DNAJC24: variants seen among roughly 807,000 people sequenced by gnomAD.
DNAJC24 encodes dnaJ homolog subfamily C member 24.
In DNAJC24, 17 loss-of-function variants were observed where a neutral mutation model predicts 18.0. The observed-to-expected ratio is 0.94, with a 90% CI of 0.65 to 1.42. The LOEUF is 1.42. DNAJC24 is among the 40% of genes most tolerant of loss of function. The pLI, the probability that DNAJC24 is intolerant of heterozygous loss-of-function variation, is 0.00. For synonymous variants in DNAJC24, 55 were observed against 57.7 expected (o/e 0.95, Z 0.21); for missense variants, 158 against 175.6 (o/e 0.90, Z 0.57).
rs943552029 is a variant in DNAJC24 at position 31,432,198 on chromosome 11, T to C, written c.*1797T>C. ...AAGTATGAGGTATATTTAAGAAGAA[T>C]AGATTAGTTTCATTATACCTATAAG... is the stretch of plus-strand genomic sequence containing the variant. On this transcript the variant is annotated 3_prime_UTR_variant, in exon 5 of 5. Coordinates refer to ENST00000465995, the MANE Select transcript of DNAJC24 (RefSeq NM_181706.5). 1.3e-5 allele frequency among the ~76,000 whole-genome samples: 2 copies of C among 152,218 alleles called. No individual in the cohort carries two copies. Among genetic ancestry groups the C allele is most frequent in the East Asian group, 1.9e-4 (1 of 5,198 alleles).
intron 2 of DNAJC24, among the ~76,000 whole-genome samples, chr11:31,374,666 C>G (rs942179571): frequency 2.2e-5 from 3 of 134,476 alleles, no homozygotes; most frequent in African/African-American, 7.5e-5. Context: ...GGAGGGCTAA[C>G]CATTTTTTTA....
chr11:31,416,817 GA>G (rs993404094), intron 3 of DNAJC24: 2 of 152,142 alleles, frequency 1.3e-5, no homozygotes, highest in Admixed American at 1.3e-4. Flanking sequence ...AGAGATGTCA[GA>G]AGACAAATAA....
intron 2 of DNAJC24, among the ~76,000 whole-genome samples, chr11:31,400,103 A>G (rs757615594): frequency 2.4e-4 from 36 of 152,008 alleles, no homozygotes; most frequent in Non-Finnish European, 2.6e-4. Flanking sequence ...ACTCTTTTTT[A>G]TGGCTGTGTA....
At chr11:31,418,716 G>A (rs1020092840) in intron 3 of DNAJC24, among the ~76,000 whole-genome samples, 1 of 152,044 alleles carries the variant, frequency 6.6e-6, no homozygotes, top group African/African-American at 2.4e-5. Context: ...AAACAGCGTG[G>A]CTCAGAGGAG....
intron 2 of DNAJC24, among the ~76,000 whole-genome samples, chr11:31,379,831 C>A (rs113426534): frequency 1.4e-4 from 22 of 152,124 alleles, no homozygotes; most frequent in Admixed American, 2.0e-4. Context: ...GATCTAGTCT[C>A]ACTGCAACCT....
At chr11:31,426,450 A>C (rs1952862036) in intron 4 of DNAJC24, 95 bp downstream of exon 4, 1 of 694,580 alleles carries the variant, frequency 1.4e-6, no homozygotes, top group Non-Finnish European at 2.3e-6. Context: ...TCTTAAAAAG[A>C]AATAATAGTG....
chr11:31,408,272 A>C (rs1952674980), intron 2 of DNAJC24: 2 of 444,512 alleles, frequency 4.5e-6, no homozygotes, highest in Admixed American at 2.5e-5. Context: ...CACGCGTAAC[A>C]GTTGCTTGGA....
chr11:31,390,395 C>CAAAAA (rs370680501), intron 2 of DNAJC24, among the ~76,000 whole-genome samples: 1 of 48,558 alleles, frequency 2.1e-5, no homozygotes, highest in Admixed American at 2.9e-4. Flanking sequence ...GACTCTATCT[C>CAAAAA]AAAAAAAAAA....
chr11:31,413,223 A>C (rs1260082050), intron 2 of DNAJC24, among the ~76,000 whole-genome samples: 1 of 152,126 alleles, frequency 6.6e-6, no homozygotes, highest in African/African-American at 2.4e-5. Flanking sequence ...AAAAAAGAGT[A>C]AGAAATTAAA....
In DNAJC24 at chr11:31,375,114, G is replaced by T. The variant is rs576239546; in HGVS notation, c.111+4255G>T. ...GGATTGCTTGAGCCCAGGAGTTCAA[G>T]GCTACAGTGAGATATGATTGTGTCA... On this transcript the variant is annotated intron_variant, in intron 2 of 4. Coordinates refer to ENST00000465995, the MANE Select transcript of DNAJC24 (RefSeq NM_181706.5). Among the ~76,000 whole-genome samples the T allele has an allele frequency of 1.5e-5, 2 of 135,284 alleles. 1 individual carries two copies. Among genetic ancestry groups the T allele is most frequent in the Non-Finnish European group, 3.4e-5 (2 of 58,442 alleles). 88.8% of individuals were successfully genotyped at this position (135,284 alleles called of 152,430 possible). A position where few individuals can be genotyped will look rare whatever the true frequency, so the allele number is the denominator to read the frequency against.
At chr11:31,408,402 T>G (rs1196121971) in intron 2 of DNAJC24, 1 of 344,596 alleles carries the variant, frequency 2.9e-6, no homozygotes, top group African/African-American at 2.2e-5. Context: ...AGGACCACAT[T>G]TTGAGTAGCA....
At chr11:31,423,585 C>A (rs1018180182) in intron 3 of DNAJC24, among the ~76,000 whole-genome samples, 1 of 152,142 alleles carries the variant, frequency 6.6e-6, no homozygotes, top group African/African-American at 2.4e-5. Context: ...TGACTTCTTC[C>A]AGTTACCACT....
At chr11:31,418,492 A>G (rs183607194) in intron 3 of DNAJC24, among the ~76,000 whole-genome samples, 39 of 152,248 alleles carry the variant, frequency 2.6e-4, no homozygotes, top group Admixed American at 1.0e-3. Flanking sequence ...GTGGCTCTAT[A>G]CAGTGACACA....
At chr11:31,427,823 C>A (rs980053639) in intron 4 of DNAJC24, 1 of 150,648 alleles carries the variant, frequency 6.6e-6, no homozygotes, top group East Asian at 1.9e-4. Flanking sequence ...ATGTTAAGAT[C>A]TTAATTTTAA....
chr11:31,392,012 ACATGTTT>A (rs1181810865), intron 2 of DNAJC24, among the ~76,000 whole-genome samples: 1 of 152,190 alleles, frequency 6.6e-6, no homozygotes, highest in African/African-American at 2.4e-5. Flanking sequence ...TACAAACTTT[ACATGTTT>A]TTACTTATTT....
chr11:31,401,156 G>A (rs1242426973), intron 2 of DNAJC24, among the ~76,000 whole-genome samples: 2 of 152,184 alleles, frequency 1.3e-5, no homozygotes, highest in Non-Finnish European at 2.9e-5. Flanking sequence ...TTAGTGAAAT[G>A]CAAATCAAAA....
chr11:31,388,495 T>C (rs1952453778), intron 2 of DNAJC24, among the ~76,000 whole-genome samples: 1 of 152,262 alleles, frequency 6.6e-6, no homozygotes, highest in African/African-American at 2.4e-5. Context: ...AAAAATCTTA[T>C]TCTAGAATAG....
intron 2 of DNAJC24, among the ~76,000 whole-genome samples, chr11:31,413,842 A>T (rs1952731844): frequency 6.6e-6 from 1 of 152,162 alleles, no homozygotes; most frequent in Non-Finnish European, 1.5e-5. Context: ...AGATTTTTTC[A>T]CTGAAATGTC....
intron 2 of DNAJC24, among the ~76,000 whole-genome samples, chr11:31,411,960 A>G (rs1952714481): frequency 6.6e-6 from 1 of 152,046 alleles, no homozygotes; most frequent in South Asian, 2.1e-4. Flanking sequence ...TGATATACTT[A>G]TTTTCTTGCT....
Sources: gnomAD v4.1 joint callset for allele counts (sites outside exome capture counted in the v4.1 genomes callset) on GRCh38, gnomAD v4.1.1 for gene constraint, MANE v1.5 for transcripts, NCBI Gene and HGNC (gene_info 2026-07-23, HGNC 2026-07-21) for gene names.